ARHGAP33: variants seen among roughly 807,000 people sequenced by gnomAD.
ARHGAP33 encodes Rho GTPase activating protein 33.
Under a neutral mutation model 126.2 loss-of-function variants are expected in ARHGAP33, and 57 were observed. The ratio of observed to expected loss-of-function variants is 0.45; its 90% CI spans 0.36 to 0.56. The LOEUF is 0.56. ARHGAP33 is among the 20% of genes least tolerant of loss of function. ARHGAP33 has a pLI of 0.00. For missense variants in ARHGAP33, 1,500 were observed against 1,748.3 expected (o/e 0.86, Z 2.53); for synonymous variants, 711 against 755.0 (o/e 0.94, Z 0.95).
Position 35,787,329 on chromosome 19 carries a change from G to A in ARHGAP33, c.2764G>A (p.Gly922Ser), listed in dbSNP as rs773005631. The A allele has an allele frequency of 7.4e-5, 120 of 1,611,940 alleles. No homozygotes were observed. The highest frequency in any genetic ancestry group is 9.9e-5 in the Non-Finnish European group (117 of 1,179,124). ...AEQQSQQECG[G>S]TPPASQSPFH... ...GCAACAGAGCCAGCAGGAGTGTGGGGGCACCCCACCTGCTTCCCAATCCCC... is the reference window on the plus strand; with the variant it reads ...GCAACAGAGCCAGCAGGAGTGTGGGAGCACCCCACCTGCTTCCCAATCCCC... Residue 922 changes from glycine to serine, a missense_variant, in exon 21 of 21, where the codon GGC (glycine) becomes AGC (serine). By Grantham distance (56) the Gly-to-Ser change is moderately conservative. This residue lies in a region of ARHGAP33 where 642 missense variants were observed against 634.0 expected (regional missense o/e 1.01). Transcript: ENST00000007510.
chr19:35,786,575 G>A lies in ARHGAP33; in HGVS notation c.2105G>A (p.Gly702Glu). Residue 702 changes from glycine (G) to glutamate (E), a missense_variant, in exon 20 of 21, where the codon GGG (glycine) becomes GAG (glutamate). Coordinates refer to ENST00000007510, the MANE Select transcript of ARHGAP33 (RefSeq NM_001366178.1). This position sits in a 1 kb window ranked among gnomAD's most constrained non-coding sequence, Gnocchi z 7.0. The stretch of plus-strand genomic sequence containing the variant: ...TCCTCCTCTGAGTCCTCAGCAGCTG[G>A]GCTGGGGGCACTCTCTGGGTCTCCC... Reference protein sequence around the residue: ...SSSSSESSAAGLGALSGSPSH... With the variant: ...SSSSSESSAAELGALSGSPSH... 1 of 1,536,014 alleles carries A rather than the reference G, an allele frequency of 6.5e-7. No homozygotes were observed. Among genetic ancestry groups the A allele is most frequent in the Non-Finnish European group, 8.7e-7 (1 of 1,146,840 alleles).
intron 12 of ARHGAP33, among the ~76,000 whole-genome samples, chr19:35,781,920 G>A (rs919709048): frequency 2.6e-5 from 4 of 152,126 alleles, no homozygotes; most frequent in Non-Finnish European, 5.9e-5. Context: ...GGGAGTGCTT[G>A]AAGCCTGCAG....
At position 35,787,528 on chromosome 19, in the gene ARHGAP33, C is replaced by T. The variant is rs1437927446; in HGVS notation, c.2963C>T (p.Thr988Ile). 1 of 1,612,124 alleles carries T rather than the reference C, an allele frequency of 6.2e-7. No individual in the cohort carries two copies. Among genetic ancestry groups the T allele is most frequent in the Non-Finnish European group, 8.5e-7 (1 of 1,179,574 alleles). Residue 988 changes from threonine to isoleucine, a missense_variant, in exon 21 of 21, where the codon ACC (threonine) becomes ATC (isoleucine). Thr to Ile is a moderately conservative substitution (Grantham distance 89). Coordinates refer to ENST00000007510, the MANE Select transcript of ARHGAP33 (RefSeq NM_001366178.1). ...SLLRSQRPMG[T>I]SRRGLRGPAQ... The stretch of plus-strand genomic sequence containing the variant: ...CTGAGGAGCCAGCGGCCCATGGGGA[C>T]CTCAAGGAGGGGACTCCGAGGCCCT...
chr19:35,786,972 C>G lies in ARHGAP33; in HGVS notation c.2502C>G (p.Pro834=), dbSNP rs772588604. 2 of 1,610,848 alleles carry G rather than the reference C, an allele frequency of 1.2e-6. No individual in the cohort carries two copies. The highest frequency in any genetic ancestry group is 2.2e-5 in the East Asian group (1 of 44,826). ...PALSPGRSLR[P]HLIPLLLRGA... ...TCAGCCCCGGCCGGAGCCTGCGCCC[C>G]CATCTCATACCCCTGCTGCTGCGAG... The change falls in exon 20 of 21, where the codon CCC becomes CCG. Residue 834 remains proline (P), a synonymous_variant. Transcript: ENST00000007510. The surrounding 1 kb of genome is among the most constrained non-coding windows in gnomAD (Gnocchi z 7.0).
At chr19:35,777,987 T>C (rs1302412840) in intron 3 of ARHGAP33, 79 bp downstream of exon 3, 17 of 1,514,336 alleles carry the variant, frequency 1.1e-5, no homozygotes, top group Non-Finnish European at 1.6e-5. Flanking sequence ...GTGCTTTGCT[T>C]CTGAAACTTA....
Position 35,787,810 on chromosome 19 carries a change from G to T in ARHGAP33, c.3245G>T (p.Gly1082Val). The change falls in exon 21 of 21, where the codon GGA becomes GTA. Residue 1082 changes from glycine (G) to valine (V), a missense_variant. Transcript: ENST00000007510. ...SLGPPAPLDRGENLYYEIGAS... is the reference protein window; with the variant it reads ...SLGPPAPLDRVENLYYEIGAS... ...GGCCCCCCTGCACCACTCGACAGGG[G>T]AGAGAACCTGTACTATGAGATCGGG... 1 of 1,601,260 alleles carries T rather than the reference G, an allele frequency of 6.2e-7. No homozygotes were observed. The highest frequency in any genetic ancestry group is 8.5e-7 in the Non-Finnish European group (1 of 1,175,422).
chr19:35,781,886 TCTCGGC>T (rs1443594855), intron 12 of ARHGAP33, among the ~76,000 whole-genome samples: 2 of 150,138 alleles, frequency 1.3e-5, no homozygotes, highest in African/African-American at 4.9e-5. Context: ...CCAGGCGAGA[TCTCGGC>T]CTGCAGGAGG....
Position 35,782,291 on chromosome 19 carries a change from G to C in ARHGAP33, c.1086-82G>C. ...GGTTCCATCCACCTGCGGGCACTTG[G>C]GGGTAGGGGCAAGGGGAGCATGGCC... is the stretch of plus-strand genomic sequence containing the variant. On this transcript the variant is annotated intron_variant, in intron 12 of 20. Coordinates refer to ENST00000007510, the MANE Select transcript of ARHGAP33 (RefSeq NM_001366178.1). This position sits in a 1 kb window ranked among gnomAD's most constrained non-coding sequence, Gnocchi z 4.1. 1 of 1,515,562 alleles carries C rather than the reference G, an allele frequency of 6.6e-7. No individual in the cohort carries two copies. The highest frequency in any genetic ancestry group is 1.2e-5 in the South Asian group (1 of 80,390). The allele number at this position is 1,515,562 out of a possible 1,614,324, so 93.9% of individuals were successfully genotyped here.
rs994306427 is a variant in ARHGAP33 at position 35,788,740 on chromosome 19, G to T, written c.*311G>T. On this transcript the variant is annotated 3_prime_UTR_variant, in exon 21 of 21. Transcript: ENST00000007510. ...CATGTCCTGACCTGTGCACGGGGAT[G>T]GGGGGACAACTCCTACCCTTCTTTC... 2 of 313,272 alleles carry T rather than the reference G, an allele frequency of 6.4e-6. No homozygotes were observed. The highest frequency in any genetic ancestry group is 1.2e-5 in the Non-Finnish European group (2 of 170,944). The allele number at this position is 313,272 out of a possible 1,614,324, so 19.4% of individuals were successfully genotyped here.
rs768521345 is a variant in ARHGAP33, at chr19:35,782,765, C to T, written c.1317C>T (p.Thr439=). Residue 439 remains threonine (T), a synonymous_variant, in exon 15 of 21, where the codon ACC becomes ACT. Transcript: ENST00000007510. The surrounding 1 kb of genome is among the most constrained non-coding windows in gnomAD (Gnocchi z 4.1). ...IQQLPPPHYR[T]LEYLLRHLAR... ...CCCCCTCTGCTCCCACCCCCAGGAC[C>T]CTGGAGTACCTGCTGAGGCACCTGG... is the stretch of plus-strand genomic sequence containing the variant. The T allele has an allele frequency of 3.7e-6, 6 of 1,613,040 alleles. No homozygotes were observed. In the South Asian group the frequency reaches 6.6e-5, roughly 18 times the overall value.
At chr19:35,784,043 G>A (rs950401453) in intron 15 of ARHGAP33, 129 bp from the exon 16 acceptor site, 1 of 702,856 alleles carries the variant, frequency 1.4e-6, no homozygotes, top group Non-Finnish European at 2.3e-6. Flanking sequence ...GCCCAGCGAG[G>A]CGTGATCAGT....
Position 35,782,637 on chromosome 19 carries a change from G to A in ARHGAP33, c.1271G>A (p.Arg424Gln), listed in dbSNP as rs759018210. ...SVPGEEERLV[R>Q]VHDVIQQLPP... is the part of the protein sequence containing the mutation. The stretch of plus-strand genomic sequence containing the variant: ...CCTGGGGAGGAGGAGCGTCTGGTGC[G>A]GGTGCACGATGTCATCCAGCAGCTG... Residue 424 changes from arginine (R) to glutamine (Q), a missense_variant, in exon 14 of 21, where the codon CGG (arginine) becomes CAG (glutamine). Around this residue, in one of 6 missense-constraint regions of ARHGAP33, gnomAD observed 281 missense variants for 413.7 expected, o/e 0.68. Coordinates refer to ENST00000007510, the MANE Select transcript of ARHGAP33 (RefSeq NM_001366178.1). The surrounding 1 kb of genome is among the most constrained non-coding windows in gnomAD (Gnocchi z 4.1). 37 of 1,613,388 alleles carry A rather than the reference G, an allele frequency of 2.3e-5. No homozygotes were observed. Among genetic ancestry groups the A allele is most frequent in the Non-Finnish European group, 2.7e-5 (32 of 1,179,860 alleles).
chr19:35,787,796 A>G lies in ARHGAP33; in HGVS notation c.3231A>G (p.Ala1077=), dbSNP rs748699934. Residue 1077 remains alanine (A), a synonymous_variant, in exon 21 of 21, where the codon GCA becomes GCG. Coordinates refer to ENST00000007510, the MANE Select transcript of ARHGAP33 (RefSeq NM_001366178.1). Reference sequence around the variant, plus strand: ...GGAGGAGCTCTCTGGGCCCCCCTGCACCACTCGACAGGGGAGAGAACCTGT... The same window carrying G: ...GGAGGAGCTCTCTGGGCCCCCCTGCGCCACTCGACAGGGGAGAGAACCTGT... The part of the protein sequence containing the change: ...PVWRSSLGPP[A]PLDRGENLYY... The G allele has an allele frequency of 6.3e-6, 10 of 1,595,424 alleles. No individual in the cohort carries two copies. In the East Asian group the frequency reaches 1.8e-4, roughly 29 times the overall value.
At chr19:35,784,390 G>C in intron 16 of ARHGAP33, 73 bp downstream of exon 16, 1 of 1,466,764 alleles carries the variant, frequency 6.8e-7, no homozygotes, top group Non-Finnish European at 9.0e-7. Flanking sequence ...GGGCAGGTGG[G>C]CTCCCAGTCC....
chr19:35,780,381 G>C, intron 7 of ARHGAP33, 40 bp from the exon 8 acceptor site: 1 of 1,610,528 alleles, frequency 6.2e-7, no homozygotes, highest in East Asian at 2.2e-5. Flanking sequence ...CACACCCCCT[G>C]CTCCTTCTGA....
rs765971711 is a variant in ARHGAP33 at position 35,787,225 on chromosome 19, G to T, written c.2660G>T (p.Gly887Val). Reference sequence around the variant, plus strand: ...CCCCTGTCTCTCCTGCGCCCTGGGGGTGCCCCACCCCCGCCCCCTAAGAAC... The same window carrying T: ...CCCCTGTCTCTCCTGCGCCCTGGGGTTGCCCCACCCCCGCCCCCTAAGAAC... ...PPPLSLLRPG[G>V]APPPPPKNPA... The change falls in exon 21 of 21, where the codon GGT becomes GTT. Residue 887 changes from glycine to valine, a missense_variant. Gly to Val is a moderately radical substitution (Grantham distance 109). This residue lies in a region of ARHGAP33 where 642 missense variants were observed against 634.0 expected (regional missense o/e 1.01). Transcript: ENST00000007510. The T allele has an allele frequency of 6.2e-6, 10 of 1,610,390 alleles. No individual in the cohort carries two copies. The highest frequency in any genetic ancestry group is 8.5e-6 in the Non-Finnish European group (10 of 1,178,722).
chr19:35,786,852 C>G lies in ARHGAP33; in HGVS notation c.2382C>G (p.Asp794Glu). ...PTSPASPAAL[D>E]ISEPLAVSVP... Reference sequence around the variant, plus strand: ...GCCCCGCCTCGCCTGCTGCCCTAGACATCTCAGAGCCCCTGGCTGTATCAG... The same window carrying G: ...GCCCCGCCTCGCCTGCTGCCCTAGAGATCTCAGAGCCCCTGGCTGTATCAG... The change falls in exon 20 of 21, where the codon GAC becomes GAG. Residue 794 changes from aspartate to glutamate, a missense_variant. Physicochemically the swap from Asp to Glu is conservative, Grantham distance 45 (BLOSUM62 2). This residue lies in a region of ARHGAP33 where 73 missense variants were observed against 110.8 expected (regional missense o/e 0.66). Transcript: ENST00000007510. This position sits in a 1 kb window ranked among gnomAD's most constrained non-coding sequence, Gnocchi z 7.0. 1 of 1,593,724 alleles carries G rather than the reference C, an allele frequency of 6.3e-7. No homozygotes were observed. Among genetic ancestry groups the G allele is most frequent in the Non-Finnish European group, 8.5e-7 (1 of 1,172,930 alleles).
chr19:35,785,830 C>T (rs1429213939), intron 19 of ARHGAP33: 2 of 1,177,714 alleles, frequency 1.7e-6, no homozygotes, highest in Non-Finnish European at 2.1e-6. Context: ...TGGAGGCATC[C>T]TCTCAATTTG....
chr19:35,781,288 C>A (rs762874684), intron 12 of ARHGAP33, 36 bp downstream of exon 12: 3 of 1,597,722 alleles, frequency 1.9e-6, no homozygotes, highest in South Asian at 2.2e-5. Flanking sequence ...CTTCCACAGG[C>A]ACTCACCCAG....
Sources: allele counts gnomAD v4.1 joint callset (sites outside exome capture counted in the v4.1 genomes callset), GRCh38; gene constraint gnomAD v4.1.1; regional missense constraint gnomAD v4.1.1; non-coding constraint Gnocchi (gnomAD v3.1); transcripts MANE v1.5; gene names NCBI Gene and HGNC (gene_info 2026-07-23, HGNC 2026-07-21).